Variants in ZBTB7C observed in about 807,000 individuals in gnomAD.
The protein encoded by ZBTB7C is zinc finger and BTB domain containing 7C.
In ZBTB7C, 8 loss-of-function variants were observed where a neutral mutation model predicts 25.7. The observed-to-expected ratio is 0.31, with a 90% CI of 0.18 to 0.56. The LOEUF is 0.56. ZBTB7C is among the 20% of genes least tolerant of loss of function. ZBTB7C has a pLI of 0.91. For missense variants in ZBTB7C, 824 were observed against 855.2 expected, an observed-to-expected ratio of 0.96 and a Z score of 0.46; for synonymous variants, 394 against 369.0, an observed-to-expected ratio of 1.07 and a Z score of -0.78.
intron 3 of ZBTB7C, among the ~76,000 whole-genome samples, chr18:48,113,347 A>G (rs1456082410): frequency 6.6e-6 from 1 of 152,272 alleles, no homozygotes; most frequent in Non-Finnish European, 1.5e-5. Context: ...CATCACAAGG[A>G]AAAACCATCA....
intron 2 of ZBTB7C, among the ~76,000 whole-genome samples, chr18:48,314,949 C>G (rs376610681): frequency 1.3e-5 from 2 of 152,208 alleles, no homozygotes; most frequent in African/African-American, 2.4e-5. Context: ...TCAGCTCCCC[C>G]TCCTGGGGGT....
chr18:48,185,390 C>G (rs2042030768), intron 3 of ZBTB7C: 2 of 404,284 alleles, frequency 4.9e-6, no homozygotes, highest in South Asian at 3.7e-5. Flanking sequence ...GAAAGCTCCT[C>G]CAAAACAGAG....
intron 2 of ZBTB7C, among the ~76,000 whole-genome samples, chr18:48,245,508 G>GA (rs2043663524): frequency 1.7e-4 from 3 of 17,510 alleles, no homozygotes; most frequent in African/African-American, 3.2e-4. Flanking sequence ...AAAAAAAAAA[G>GA]AAAAAATGAA....
intron 3 of ZBTB7C, among the ~76,000 whole-genome samples, chr18:48,178,384 G>A (rs989514828): frequency 2.6e-5 from 4 of 152,334 alleles, no homozygotes; most frequent in Non-Finnish European, 5.9e-5. Flanking sequence ...GGGCTACCAC[G>A]TCGGGCCTCT....
intron 2 of ZBTB7C, among the ~76,000 whole-genome samples, chr18:48,230,346 G>A (rs1417673874): frequency 6.6e-6 from 1 of 152,040 alleles, no homozygotes; most frequent in Non-Finnish European, 1.5e-5. Flanking sequence ...TGGGAAGCTG[G>A]TTGGGAGCTG....
chr18:48,162,460 A>T (rs745926525), intron 3 of ZBTB7C: 19 of 451,894 alleles, frequency 4.2e-5, no homozygotes, highest in Non-Finnish European at 8.5e-5. Flanking sequence ...TGCCTGGCAC[A>T]TAATAGGGAC....
chr18:48,078,286 C>A (rs972712491), intron 3 of ZBTB7C, among the ~76,000 whole-genome samples: 2 of 152,246 alleles, frequency 1.3e-5, no homozygotes, highest in Non-Finnish European at 2.9e-5. Context: ...TCCAAAGGTT[C>A]TGTGTCTAAC....
chr18:48,291,226 T>C (rs1005053424), intron 2 of ZBTB7C, among the ~76,000 whole-genome samples: 4 of 152,176 alleles, frequency 2.6e-5, no homozygotes, highest in South Asian at 2.1e-4. Context: ...TTTATGGCAA[T>C]GGGCTTCCCA....
Position 48,085,065 on chromosome 18 carries a change from T to A in ZBTB7C, c.-16-43942A>T, listed in dbSNP as rs1007255368. ...ATTAACATCTTATCAGTCAATTACA[T>A]CTCAGTATGGATGAGTTCATCCAGA... On this transcript the variant is annotated intron_variant, in intron 3 of 4. Transcript: ENST00000590800. Among the ~76,000 whole-genome samples, 11 of 152,142 alleles carry A rather than the reference T, an allele frequency of 7.2e-5. No individual in the cohort carries two copies. In the East Asian group the frequency reaches 2.1e-3, roughly 29 times the overall value.
At chr18:48,044,979 C>T (rs1334989148) in intron 3 of ZBTB7C, among the ~76,000 whole-genome samples, 2 of 152,268 alleles carry the variant, frequency 1.3e-5, no homozygotes, top group Non-Finnish European at 2.9e-5. Context: ...ATCTGGCTCC[C>T]CAGGCCATGC....
chr18:48,402,316 G>T (rs2048178877), intron 1 of ZBTB7C, among the ~76,000 whole-genome samples: 1 of 151,934 alleles, frequency 6.6e-6, no homozygotes, highest in Admixed American at 6.5e-5. Context: ...CCTTGTCATG[G>T]TTAAATAAGG....
chr18:48,040,658 A>C lies in ZBTB7C; in HGVS notation c.450T>G (p.Asp150Glu), dbSNP rs201996027. The change falls in exon 4 of 5, where the codon GAT becomes GAG. Residue 150 changes from aspartate (D) to glutamate (E), a missense_variant. This residue lies in a region of ZBTB7C where 316 missense variants were observed against 299.2 expected (regional missense o/e 1.06). Transcript: ENST00000590800. ...EDDDDDEDDD[D>E]EEDEEEEEEE... ...CCTCCTCCTCCTCTTCGTCCTCCTC[A>C]TCATCATCATCTTCGTCGTCGTCAT... The C allele has an allele frequency of 3.7e-4, 604 of 1,611,454 alleles. 2 individuals are homozygous for C. The highest frequency in any genetic ancestry group is 5.2e-4 in the African/African-American group (39 of 74,654).
chr18:48,029,267 T>C lies in ZBTB7C; in HGVS notation c.1853A>G (p.Asn618Ser), dbSNP rs1598736497. 2.0e-6 allele frequency: 3 copies of C among 1,537,952 alleles called. No homozygotes were observed. The highest frequency in any genetic ancestry group is 2.4e-5 in the East Asian group (1 of 41,230). The change falls in exon 5 of 5, where the codon AAC becomes AGC. Residue 618 changes from asparagine (N) to serine (S), a missense_variant. Around this residue, in one of 4 missense-constraint regions of ZBTB7C, gnomAD observed 342 missense variants for 307.0 expected, o/e 1.11. Transcript: ENST00000590800. Reference sequence around the variant, plus strand: ...GAGCCGACAGGGACCAGCCTAGTTGTTGGCTTCGGACATGGAGGCCACGTG... The same window carrying C: ...GAGCCGACAGGGACCAGCCTAGTTGCTGGCTTCGGACATGGAGGCCACGTG... The part of the protein sequence containing the change: ...LNHVASMSEA[N>S]N
chr18:48,059,903 G>A (rs1051394960), intron 3 of ZBTB7C, among the ~76,000 whole-genome samples: 1 of 152,134 alleles, frequency 6.6e-6, no homozygotes, highest in African/African-American at 2.4e-5. Flanking sequence ...CTTCCCTACA[G>A]GCAGCTGGTG....
intron 2 of ZBTB7C, among the ~76,000 whole-genome samples, chr18:48,236,241 A>G (rs2043374767): frequency 6.6e-6 from 1 of 152,210 alleles, no homozygotes; most frequent in Non-Finnish European, 1.5e-5. Context: ...CCCTATGTCC[A>G]AGTTTATCTA....
At chr18:48,052,767 G>C (rs1295855840) in intron 3 of ZBTB7C, among the ~76,000 whole-genome samples, 1 of 152,212 alleles carries the variant, frequency 6.6e-6, no homozygotes, top group Non-Finnish European at 1.5e-5. Context: ...CCGGGTCCCT[G>C]TTTGAGCTTC....
chr18:48,400,016 G>C (rs959359823), intron 1 of ZBTB7C, among the ~76,000 whole-genome samples: 9 of 152,058 alleles, frequency 5.9e-5, no homozygotes, highest in Non-Finnish European at 8.8e-5. Flanking sequence ...TTTTATGGCT[G>C]CCATTCAAAG....
At chr18:48,346,676 G>A (rs2046737798) in intron 1 of ZBTB7C, 1 of 152,216 alleles carries the variant, frequency 6.6e-6, no homozygotes, top group Non-Finnish European at 1.5e-5. Flanking sequence ...CCCCAGAGCG[G>A]GGCTAACAGA....
chr18:48,119,175 G>C (rs894455536), intron 3 of ZBTB7C, among the ~76,000 whole-genome samples: 13 of 151,974 alleles, frequency 8.6e-5, no homozygotes, highest in African/African-American at 2.4e-5. Context: ...TGATGCTGTT[G>C]GTTCAGGGAC....
Sources: allele counts gnomAD v4.1 joint callset (sites outside exome capture counted in the v4.1 genomes callset), GRCh38; gene constraint gnomAD v4.1.1; regional missense constraint gnomAD v4.1.1; transcripts MANE v1.5; gene names NCBI Gene and HGNC (gene_info 2026-07-23, HGNC 2026-07-21).